EYA2: variants seen among roughly 807,000 people sequenced by gnomAD.
EYA2 encodes protein phosphatase EYA2.
In EYA2, 31 loss-of-function variants were observed where a neutral mutation model predicts 69.2. The ratio of observed to expected loss-of-function variants is 0.45; its 90% CI spans 0.34 to 0.60. The LOEUF (loss-of-function observed/expected upper bound fraction) is 0.60. Ranked by LOEUF, EYA2 falls within the 20% of genes least tolerant of loss-of-function variation. The pLI is 0.02. For synonymous variants in EYA2, 257 were observed against 279.4 expected (o/e 0.92, Z 0.80); for missense variants, 622 against 701.2 (o/e 0.89, Z 1.28).
intron 5 of EYA2, among the ~76,000 whole-genome samples, chr20:47,026,854 T>A (rs530750086): frequency 6.6e-6 from 1 of 152,362 alleles, no homozygotes; most frequent in Non-Finnish European, 1.5e-5. Context: ...TCTTTCCATT[T>A]TTCAAAGTGA....
At chr20:47,115,344 G>A (rs1036877771) in intron 9 of EYA2, among the ~76,000 whole-genome samples, 5 of 152,016 alleles carry the variant, frequency 3.3e-5, no homozygotes, top group Non-Finnish European at 7.4e-5. Flanking sequence ...GCTCACCCAG[G>A]GCATCAAATT....
At position 46,977,617 on chromosome 20, in the gene EYA2, G is replaced by A. The variant is rs138488492; in HGVS notation, c.-10-12384G>A. Among the ~76,000 whole-genome samples the A allele has an allele frequency of 6.8e-4, 104 of 152,310 alleles. 1 individual carries two copies. The highest frequency in any genetic ancestry group is 2.3e-3 in the African/African-American group (97 of 41,558). The stretch of plus-strand genomic sequence containing the variant: ...TTTGGTGTGCTATGTAAACAGCATC[G>A]GTGATTCTAAATGATGGGCAGCCTG... On this transcript the variant is annotated intron_variant, in intron 1 of 15. Transcript: ENST00000327619.
At chr20:47,000,455 GTGA>G (rs1334147364) in intron 2 of EYA2, among the ~76,000 whole-genome samples, 1 of 152,214 alleles carries the variant, frequency 6.6e-6, no homozygotes, top group East Asian at 1.9e-4. Flanking sequence ...GCCTTAGGTT[GTGA>G]TGATGACGCA....
intron 8 of EYA2, among the ~76,000 whole-genome samples, chr20:47,094,315 G>T (rs1467562629): frequency 6.6e-6 from 1 of 152,216 alleles, no homozygotes; most frequent in Non-Finnish European, 1.5e-5. Context: ...TGGCATATTT[G>T]AATCTCAGAA....
intron 3 of EYA2, among the ~76,000 whole-genome samples, chr20:47,003,500 G>A (rs536596328): frequency 7.9e-5 from 12 of 152,362 alleles, no homozygotes; most frequent in Middle Eastern, 6.8e-3. Context: ...ACCCAGGTAC[G>A]CTGAAGCACC....
chr20:46,961,864 T>C (rs567625044), intron 1 of EYA2, among the ~76,000 whole-genome samples: 25 of 152,314 alleles, frequency 1.6e-4, no homozygotes, highest in African/African-American at 5.3e-4. Context: ...TACTAGAGGC[T>C]GAGAATGGTG....
chr20:47,036,245 A>C (rs574558751), intron 5 of EYA2, among the ~76,000 whole-genome samples: 123 of 152,094 alleles, frequency 8.1e-4, no homozygotes, highest in Middle Eastern at 3.4e-3. Context: ...CACTGGCTCC[A>C]TGTGCAAAAT....
chr20:46,992,894 CT>C (rs1981772537), intron 2 of EYA2, among the ~76,000 whole-genome samples: 2 of 152,118 alleles, frequency 1.3e-5, no homozygotes. Flanking sequence ...TGGATTATGC[CT>C]CTCCCCCTGC....
intron 8 of EYA2, among the ~76,000 whole-genome samples, chr20:47,094,983 T>G (rs550614912): frequency 4.1e-4 from 63 of 152,152 alleles, no homozygotes; most frequent in African/African-American, 1.3e-3. Context: ...CAGTGAGTGA[T>G]GATTACGCCA....
intron 9 of EYA2, among the ~76,000 whole-genome samples, chr20:47,116,857 G>C (rs1013426229): frequency 6.6e-6 from 1 of 152,226 alleles, no homozygotes; most frequent in Non-Finnish European, 1.5e-5. Context: ...GCTGCTGCAG[G>C]GATGGAAACT....
chr20:47,141,645 C>A (rs1027816960), intron 9 of EYA2, among the ~76,000 whole-genome samples: 1 of 152,184 alleles, frequency 6.6e-6, no homozygotes, highest in Non-Finnish European at 1.5e-5. Context: ...TATTCTGGAA[C>A]CCAAGCCAAC....
chr20:46,969,065 T>G (rs912091998), intron 1 of EYA2, among the ~76,000 whole-genome samples: 1 of 143,922 alleles, frequency 6.9e-6, no homozygotes, highest in Non-Finnish European at 1.5e-5. Flanking sequence ...TAACAGGAAC[T>G]GCTAGCTGGG....
chr20:47,161,106 G>T, intron 10 of EYA2: 1 of 319,226 alleles, frequency 3.1e-6, no homozygotes, highest in Non-Finnish European at 5.9e-6. Flanking sequence ...TTGGGCATGG[G>T]GACCGAGATG....
intron 9 of EYA2, among the ~76,000 whole-genome samples, chr20:47,127,615 C>T (rs2033228875): frequency 6.6e-6 from 1 of 152,152 alleles, no homozygotes; most frequent in Non-Finnish European, 1.5e-5. Context: ...CTAATTTCAC[C>T]CTCTGAGCCT....
chr20:46,987,962 C>CTA (rs1568707112), intron 1 of EYA2, among the ~76,000 whole-genome samples: 1 of 17,554 alleles, frequency 5.7e-5, no homozygotes, highest in African/African-American at 2.2e-4. Context: ...CTCTCTCTCT[C>CTA]TCTATATATA....
intron 10 of EYA2, among the ~76,000 whole-genome samples, chr20:47,162,982 T>G (rs2034101521): frequency 6.6e-6 from 1 of 152,106 alleles, no homozygotes; most frequent in African/African-American, 2.4e-5. Context: ...AAAAATCTCA[T>G]ATTTTAATGG....
At chr20:47,099,047 C>T (rs906114851) in intron 9 of EYA2, among the ~76,000 whole-genome samples, 7 of 152,174 alleles carry the variant, frequency 4.6e-5, no homozygotes, top group African/African-American at 1.7e-4. Context: ...GTGGGGAATT[C>T]AGGCAAGGAG....
At chr20:47,040,210 A>G (rs1984977309) in intron 5 of EYA2, among the ~76,000 whole-genome samples, 1 of 152,208 alleles carries the variant, frequency 6.6e-6, no homozygotes, top group Admixed American at 6.5e-5. Flanking sequence ...AGTGTTTGCC[A>G]TTTTAAGCAC....
At chr20:46,925,798 A>T (rs963547184) in intron 1 of EYA2, among the ~76,000 whole-genome samples, 2 of 152,222 alleles carry the variant, frequency 1.3e-5, no homozygotes, top group African/African-American at 2.4e-5. Flanking sequence ...CCTTTAATCT[A>T]GCAATCTGTT....
Sources: gnomAD v4.1 joint callset for allele counts (sites outside exome capture counted in the v4.1 genomes callset) on GRCh38, gnomAD v4.1.1 for gene constraint, MANE v1.5 for transcripts, NCBI Gene and HGNC (gene_info 2026-07-23, HGNC 2026-07-21) for gene names.